Variants in ERBB4 observed in about 807,000 individuals in gnomAD.
ERBB4 encodes receptor tyrosine-protein kinase erbB-4.
A neutral mutation model predicts 158.0 loss-of-function variants in ERBB4; 42 were observed. That is an observed-to-expected ratio of 0.27 (90% CI 0.21 to 0.34). ERBB4 has a LOEUF of 0.34. Ranked by LOEUF, ERBB4 falls within the 10% of genes least tolerant of loss-of-function variation. The probability of loss-of-function intolerance (pLI) is 1.00; values close to 1 mark genes in which losing one functional copy is unlikely to be tolerated. For synonymous variants in ERBB4, 583 were observed against 558.7 expected (o/e 1.04, Z -0.61); for missense variants, 1,333 against 1,624.1 (o/e 0.82, Z 3.08).
intron 1 of ERBB4, among the ~76,000 whole-genome samples, chr2:212,144,087 A>G (rs2080581248): frequency 6.6e-6 from 1 of 152,090 alleles, no homozygotes; most frequent in African/African-American, 2.4e-5. Flanking sequence ...GGAATAGAAA[A>G]TGGATTTGGC....
chr2:211,428,866 G>C (rs982284194), intron 21 of ERBB4, among the ~76,000 whole-genome samples: 2 of 151,836 alleles, frequency 1.3e-5, no homozygotes, highest in Non-Finnish European at 2.9e-5. Context: ...ACAGGGGTGC[G>C]CCACCATGCC....
At chr2:212,365,978 A>G (rs1482476612) in intron 1 of ERBB4, among the ~76,000 whole-genome samples, 1 of 151,904 alleles carries the variant, frequency 6.6e-6, no homozygotes, top group Non-Finnish European at 1.5e-5. Flanking sequence ...TCAAATATCA[A>G]CAATGACAAT....
At chr2:211,925,542 C>T (rs755796520) in intron 3 of ERBB4, among the ~76,000 whole-genome samples, 6 of 151,834 alleles carry the variant, frequency 4.0e-5, no homozygotes, top group Admixed American at 6.6e-5. Context: ...CCACACCTGG[C>T]TAATTTTTTT....
intron 2 of ERBB4, among the ~76,000 whole-genome samples, chr2:212,003,731 C>A (rs1053830701): frequency 6.6e-6 from 1 of 152,096 alleles, no homozygotes; most frequent in Non-Finnish European, 1.5e-5. Flanking sequence ...TATTAATCGA[C>A]CTGTTCCACA....
intron 1 of ERBB4, among the ~76,000 whole-genome samples, chr2:212,446,606 T>C (rs1186970279): frequency 3.0e-5 from 1 of 33,592 alleles, no homozygotes; most frequent in Non-Finnish European, 5.7e-5. Flanking sequence ...TATATATATA[T>C]ATATATATAT....
At chr2:211,601,838 G>T (rs933139251) in intron 19 of ERBB4, among the ~76,000 whole-genome samples, 4 of 151,866 alleles carry the variant, frequency 2.6e-5, no homozygotes, top group Admixed American at 6.6e-5. Context: ...GGAGGCAAAA[G>T]AAAATAAATA....
At chr2:212,030,298 C>A (rs1014636856) in intron 2 of ERBB4, among the ~76,000 whole-genome samples, 1 of 152,062 alleles carries the variant, frequency 6.6e-6, no homozygotes, top group Non-Finnish European at 1.5e-5. Context: ...CTGCACCAGC[C>A]GTCTAACTAG....
At chr2:211,976,737 A>G (rs2081619287) in intron 2 of ERBB4, among the ~76,000 whole-genome samples, 1 of 152,146 alleles carries the variant, frequency 6.6e-6, no homozygotes, top group Non-Finnish European at 1.5e-5. Context: ...ACAAAAAATC[A>G]TATCCAAAAT....
At chr2:212,495,617 T>A (rs923043177) in intron 1 of ERBB4, among the ~76,000 whole-genome samples, 1 of 152,172 alleles carries the variant, frequency 6.6e-6, no homozygotes, top group African/African-American at 2.4e-5. Flanking sequence ...GCGAGGCACG[T>A]GCTATGTCTC....
intron 2 of ERBB4, among the ~76,000 whole-genome samples, chr2:212,034,102 A>G (rs2076962079): frequency 6.6e-6 from 1 of 151,882 alleles, no homozygotes; most frequent in Non-Finnish European, 1.5e-5. Context: ...AAGATAGTAT[A>G]CTTCCCACTG....
At chr2:211,461,579 T>C (rs1481855305) in intron 20 of ERBB4, among the ~76,000 whole-genome samples, 1 of 151,990 alleles carries the variant, frequency 6.6e-6, no homozygotes. Flanking sequence ...CTACTGTAAA[T>C]TGAGGATAAA....
chr2:211,727,137 C>T (rs1270389725), intron 5 of ERBB4, among the ~76,000 whole-genome samples: 1 of 152,132 alleles, frequency 6.6e-6, no homozygotes, highest in East Asian at 1.9e-4. Context: ...GTCTGAAGAT[C>T]TAGGCTCAAA....
chr2:212,144,064 T>G (rs2080580519), intron 1 of ERBB4, among the ~76,000 whole-genome samples: 1 of 151,522 alleles, frequency 6.6e-6, no homozygotes, highest in South Asian at 2.1e-4. Context: ...GAAAGTAAAC[T>G]AGAAATAGAT....
intron 1 of ERBB4, among the ~76,000 whole-genome samples, chr2:212,529,346 C>T (rs772419191): frequency 2.0e-5 from 3 of 152,022 alleles, no homozygotes; most frequent in Non-Finnish European, 4.4e-5. Context: ...ATTTAACTTG[C>T]CAGAAATAAA....
chr2:212,536,338 C>T (rs1267752169), intron 1 of ERBB4, among the ~76,000 whole-genome samples: 1 of 152,132 alleles, frequency 6.6e-6, no homozygotes, highest in Non-Finnish European at 1.5e-5. Context: ...AAAACGAAGT[C>T]CCCCGGGGCA....
chr2:212,059,645 T>C (rs1477304712), intron 2 of ERBB4, among the ~76,000 whole-genome samples: 1 of 152,142 alleles, frequency 6.6e-6, no homozygotes. Flanking sequence ...ACCACACATC[T>C]ACAACCATCT....
At chr2:212,039,425 A>G (rs923544971) in intron 2 of ERBB4, among the ~76,000 whole-genome samples, 2 of 152,176 alleles carry the variant, frequency 1.3e-5, no homozygotes, top group African/African-American at 2.4e-5. Flanking sequence ...GATACTTTAC[A>G]TGGCTACATT....
chr2:211,978,425 T>A (rs112285004), intron 2 of ERBB4, among the ~76,000 whole-genome samples: 2 of 151,756 alleles, frequency 1.3e-5, no homozygotes, highest in African/African-American at 4.8e-5. Flanking sequence ...TATCTATCTA[T>A]CTATCTATCT....
chr2:211,555,396 G>C (rs1248419226), intron 20 of ERBB4, among the ~76,000 whole-genome samples: 1 of 152,052 alleles, frequency 6.6e-6, no homozygotes, highest in Non-Finnish European at 1.5e-5. Flanking sequence ...TGTTGGTCAG[G>C]CTGGTCTCGA....
Sources: gnomAD v4.1 joint callset for allele counts (sites outside exome capture counted in the v4.1 genomes callset) on GRCh38, gnomAD v4.1.1 for gene constraint, MANE v1.5 for transcripts, NCBI Gene and HGNC (gene_info 2026-07-23, HGNC 2026-07-21) for gene names.